FYB1: variants seen among roughly 807,000 people sequenced by gnomAD.
FYB1 encodes FYN-binding protein 1.
A neutral mutation model predicts 94.1 loss-of-function variants in FYB1; 41 were observed. The ratio of observed to expected loss-of-function variants is 0.44; its 90% CI spans 0.34 to 0.57. FYB1 has a LOEUF of 0.57. FYB1 is among the 20% of genes least tolerant of loss of function. The pLI, the probability that FYB1 is intolerant of heterozygous loss-of-function variation, is 0.02. For missense variants in FYB1, 1,050 were observed against 976.8 expected (o/e 1.07, Z -1.00); for synonymous variants, 367 against 353.2 (o/e 1.04, Z -0.44).
intron 1 of FYB1, among the ~76,000 whole-genome samples, chr5:39,209,291 A>T (rs1355210686): frequency 2.0e-5 from 3 of 151,952 alleles, no homozygotes; most frequent in Non-Finnish European, 4.4e-5. Flanking sequence ...ATAGAACAGC[A>T]GTGATCTTTT....
At chr5:39,193,701 A>G (rs1318335242) in intron 2 of FYB1, among the ~76,000 whole-genome samples, 1 of 152,192 alleles carries the variant, frequency 6.6e-6, no homozygotes, top group African/African-American at 2.4e-5. Context: ...TAAAAGTCCT[A>G]AATACCACAA....
chr5:39,117,758 G>A (rs1373567285), intron 16 of FYB1, among the ~76,000 whole-genome samples: 1 of 152,026 alleles, frequency 6.6e-6, no homozygotes, highest in East Asian at 1.9e-4. Context: ...AGCTGATATG[G>A]GGCAGCTGTA....
intron 1 of FYB1, among the ~76,000 whole-genome samples, chr5:39,211,848 A>T (rs1749422931): frequency 6.6e-6 from 1 of 152,316 alleles, no homozygotes; most frequent in Non-Finnish European, 1.5e-5. Flanking sequence ...TCTACACTCA[A>T]CATGATGTTA....
At chr5:39,272,652 A>G in intron 1 of FYB1, among the ~76,000 whole-genome samples, 1 of 139,538 alleles carries the variant, frequency 7.2e-6, no homozygotes. Flanking sequence ...AGTTTGGGGG[A>G]CAGAACCAGA....
At position 39,153,438 on chromosome 5, in the gene FYB1, T is replaced by C; in HGVS notation, c.1292+10A>G. Reference sequence around the variant, plus strand: ...CTAGGAAAGAAATCGCAAGATAATCTTTTGCTTACTTTAGGTCAAACGGAG... The same window carrying C: ...CTAGGAAAGAAATCGCAAGATAATCCTTTGCTTACTTTAGGTCAAACGGAG... On this transcript the variant is annotated intron_variant, in intron 3 of 18. Coordinates refer to ENST00000512982, the MANE Select transcript of FYB1 (RefSeq NM_001465.6). 1 of 1,613,118 alleles carries C rather than the reference T, an allele frequency of 6.2e-7. No individual in the cohort carries two copies. Among genetic ancestry groups the C allele is most frequent in the Non-Finnish European group, 8.5e-7 (1 of 1,179,284 alleles).
intron 1 of FYB1, chr5:39,274,367 A>T (rs1394194945): frequency 1.3e-5 from 2 of 152,128 alleles, no homozygotes; most frequent in Non-Finnish European, 2.9e-5. Flanking sequence ...CCTGGCTAAG[A>T]CCCCTGAGAT....
intron 2 of FYB1, among the ~76,000 whole-genome samples, chr5:39,189,235 C>CCTT (rs374849213): frequency 1.2e-4 from 17 of 136,974 alleles, no homozygotes; most frequent in East Asian, 8.4e-4. Flanking sequence ...TATGGAATTC[C>CCTT]TTTTTTTTTT....
intron 12 of FYB1, among the ~76,000 whole-genome samples, chr5:39,125,504 G>T (rs1193364254): frequency 6.6e-6 from 1 of 151,998 alleles, no homozygotes; most frequent in Non-Finnish European, 1.5e-5. Context: ...TTTAATTATT[G>T]TACTTAGAGA....
intron 2 of FYB1, among the ~76,000 whole-genome samples, chr5:39,177,453 G>A (rs922970405): frequency 5.9e-5 from 9 of 152,226 alleles, no homozygotes; most frequent in Non-Finnish European, 1.0e-4. Context: ...GAAGTTATTT[G>A]TCCCAGGTCT....
rs979898686 is a variant in FYB1, at chr5:39,122,520, G to A, written c.2072-118C>T. ...AAGGACAATAAAATAAGTTGTCCTAGTGTCTCGGTAAATTTCTCCTGGAAG... is the reference window on the plus strand; with the variant it reads ...AAGGACAATAAAATAAGTTGTCCTAATGTCTCGGTAAATTTCTCCTGGAAG... On this transcript the variant is annotated intron_variant, in intron 13 of 18. Transcript: ENST00000512982. The A allele has an allele frequency of 2.1e-5, 13 of 613,320 alleles. No homozygotes were observed. In the Admixed American group the frequency reaches 4.1e-4, roughly 19 times the overall value. 38.0% of individuals were successfully genotyped at this position (613,320 alleles called of 1,614,324 possible).
At chr5:39,195,935 A>T (rs1483453747) in intron 2 of FYB1, among the ~76,000 whole-genome samples, 2 of 141,070 alleles carry the variant, frequency 1.4e-5, no homozygotes, top group Non-Finnish European at 3.1e-5. Flanking sequence ...TGTAACCTTA[A>T]ATTGTTCTTA....
intron 3 of FYB1, among the ~76,000 whole-genome samples, chr5:39,143,128 T>C (rs1742329969): frequency 6.6e-6 from 1 of 152,200 alleles, no homozygotes; most frequent in East Asian, 1.9e-4. Flanking sequence ...TGTTGAAATC[T>C]CTAGCCCAGC....
At chr5:39,224,341 G>A (rs896316432), upstream of FYB1, among the ~76,000 whole-genome samples, 1 of 152,224 alleles carries the variant, frequency 6.6e-6, no homozygotes, top group Admixed American at 6.5e-5. Flanking sequence ...GGGATTAAGC[G>A]TCCTGTGAAA....
chr5:39,240,724 T>C lies in FYB1; in HGVS notation c.-28+33679A>G, dbSNP rs561998062. Among the ~76,000 whole-genome samples, 6 of 152,280 alleles carry C rather than the reference T, an allele frequency of 3.9e-5. No individual in the cohort carries two copies. The South Asian group carries it at 1.0e-3, about 26-fold the overall frequency. On this transcript the variant is annotated intron_variant, in intron 1 of 1. Transcript: ENST00000510188. Reference sequence around the variant, plus strand: ...GGAACATTTACACAGTGCTGGTGGATGTGTAAATTAGTTCAGCCAATGTGG... The same window carrying C: ...GGAACATTTACACAGTGCTGGTGGACGTGTAAATTAGTTCAGCCAATGTGG...
chr5:39,194,075 G>A (rs2150470139), intron 2 of FYB1, among the ~76,000 whole-genome samples: 1 of 152,324 alleles, frequency 6.6e-6, no homozygotes, highest in Non-Finnish European at 1.5e-5. Flanking sequence ...TCCTGGCTAA[G>A]ATTCTTGACC....
At chr5:39,184,303 CAAT>C (rs1746543431) in intron 2 of FYB1, among the ~76,000 whole-genome samples, 1 of 152,000 alleles carries the variant, frequency 6.6e-6, no homozygotes, top group African/African-American at 2.4e-5. Flanking sequence ...TATCTTAAGA[CAAT>C]AAAGAATTCA....
At chr5:39,236,868 T>G (rs1046485708) in intron 1 of FYB1, among the ~76,000 whole-genome samples, 5 of 152,106 alleles carry the variant, frequency 3.3e-5, no homozygotes, top group African/African-American at 1.2e-4. Context: ...TATTAGCTAA[T>G]GTAAGGTTGC....
intron 3 of FYB1, among the ~76,000 whole-genome samples, chr5:39,142,023 T>A (rs1204721611): frequency 1.3e-5 from 2 of 152,216 alleles, no homozygotes; most frequent in Admixed American, 1.3e-4. Context: ...GCATTATCAA[T>A]ACCTGGGCCT....
upstream of FYB1, chr5:39,219,710 A>G: frequency 7.6e-6 from 4 of 524,014 alleles, no homozygotes; most frequent in Non-Finnish European, 9.8e-6. Context: ...GGGGAACTTA[A>G]AAGTGTCTGT....
Sources: allele counts gnomAD v4.1 joint callset (sites outside exome capture counted in the v4.1 genomes callset), GRCh38; gene constraint gnomAD v4.1.1; transcripts MANE v1.5; gene names NCBI Gene and HGNC (gene_info 2026-07-23, HGNC 2026-07-21).